NTN4: variants seen among roughly 807,000 people sequenced by gnomAD.
NTN4 encodes the protein netrin 4, also known as netrin-4.
A neutral mutation model predicts 73.6 loss-of-function variants in NTN4; 32 were observed. The ratio of observed to expected loss-of-function variants is 0.44; its 90% confidence interval spans 0.33 to 0.58. The LOEUF is 0.58. Ranked by LOEUF, NTN4 falls within the 20% of genes least tolerant of loss-of-function variation. The pLI is 0.04. For missense variants in NTN4, 654 were observed against 798.3 expected, an observed-to-expected ratio of 0.82 and a Z score of 2.18; for synonymous variants, 258 against 287.5, an observed-to-expected ratio of 0.90 and a Z score of 1.04.
At chr12:95,673,050 G>C in intron 7 of NTN4, 1 of 1,487,708 alleles carries the variant, frequency 6.7e-7, no homozygotes, top group Middle Eastern at 2.5e-4. Context: ...TGGCTGCCCA[G>C]GGCAAGGCCA....
At chr12:95,752,660 C>T (rs558342007) in intron 2 of NTN4, among the ~76,000 whole-genome samples, 49 of 152,266 alleles carry the variant, frequency 3.2e-4, no homozygotes, top group Non-Finnish European at 6.5e-4. Context: ...CTCTCAAACC[C>T]CAGCACCTTC....
intron 3 of NTN4, among the ~76,000 whole-genome samples, chr12:95,732,834 AACATAAAT>A (rs1318564733): frequency 1.3e-5 from 2 of 152,244 alleles, no homozygotes; most frequent in Non-Finnish European, 2.9e-5. Flanking sequence ...GATATATGAA[AACATAAAT>A]ACATGAATGA....
At chr12:95,667,369 T>A (rs2078189711) in intron 8 of NTN4, among the ~76,000 whole-genome samples, 1 of 151,690 alleles carries the variant, frequency 6.6e-6, no homozygotes, top group Admixed American at 6.6e-5. Flanking sequence ...ATATATATAT[T>A]TTTTCACAGG....
In NTN4 at chr12:95,660,524, G is replaced by A. The variant is rs2078129480; in HGVS notation, c.1751-1302C>T. On this transcript the variant is annotated intron_variant, in intron 9 of 9. Transcript: ENST00000343702. ...ACCTTGTATTCAAAATTCGTTTCAA[G>A]CTTTAGATAACAAATTTTAGCTAAT... is the stretch of plus-strand genomic sequence containing the variant. Among the ~76,000 whole-genome samples the A allele has an allele frequency of 2.0e-5, 3 of 151,736 alleles. No individual in the cohort carries two copies. The South Asian group carries it at 6.2e-4, about 31-fold the overall frequency.
chr12:95,694,319 G>GCGCGGCCACTCCCTCCGC (rs879366097), intron 5 of NTN4, among the ~76,000 whole-genome samples: 11 of 151,776 alleles, frequency 7.2e-5, no homozygotes, highest in African/African-American at 2.7e-4. Flanking sequence ...CCAAGACCCC[G>GCGCGGCCACTCCCTCCGC]GCGGCCACTC....
intron 3 of NTN4, among the ~76,000 whole-genome samples, chr12:95,724,160 G>A (rs752102011): frequency 3.2e-4 from 48 of 152,042 alleles, no homozygotes; most frequent in Admixed American, 6.5e-4. Flanking sequence ...GTATCATCAC[G>A]CACTTTATCT....
chr12:95,660,007 T>TTTTTG (rs1158762426), intron 9 of NTN4, among the ~76,000 whole-genome samples: 7 of 151,824 alleles, frequency 4.6e-5, no homozygotes, highest in Non-Finnish European at 1.0e-4. Context: ...TTTTTTTTTG[T>TTTTTG]TTTTGTTTTG....
chr12:95,674,753 A>C (rs558844241), intron 7 of NTN4, among the ~76,000 whole-genome samples: 2 of 152,358 alleles, frequency 1.3e-5, no homozygotes, highest in Admixed American at 1.3e-4. Flanking sequence ...CAGAAGCACC[A>C]TTCTATACCC....
chr12:95,695,612 G>A (rs1001876778), intron 5 of NTN4, among the ~76,000 whole-genome samples: 4 of 152,050 alleles, frequency 2.6e-5, no homozygotes, highest in East Asian at 1.9e-4. Flanking sequence ...TGATCTGCCC[G>A]CCTCGGCCTC....
chr12:95,700,502 G>A (rs1047450959), intron 5 of NTN4, among the ~76,000 whole-genome samples: 16 of 152,132 alleles, frequency 1.1e-4, no homozygotes, highest in African/African-American at 3.9e-4. Flanking sequence ...CCCACAGCCA[G>A]GTTTGGGAAC....
upstream of NTN4, chr12:95,790,841 C>G (rs1203044933): frequency 6.6e-6 from 1 of 150,896 alleles, no homozygotes; most frequent in African/African-American, 2.4e-5. The surrounding 1 kb of genome is among the most constrained non-coding windows in gnomAD (Gnocchi z 6.5). Context: ...CCCCTCGCAC[C>G]TCCACCCCTT....
At chr12:95,670,774 C>A (rs998292324) in intron 7 of NTN4, among the ~76,000 whole-genome samples, 5 of 149,494 alleles carry the variant, frequency 3.3e-5, no homozygotes, top group African/African-American at 1.2e-4. Flanking sequence ...GGAAGAGTCA[C>A]ATGTGTCTGG....
At chr12:95,762,349 T>C (rs1397296050) in intron 2 of NTN4, among the ~76,000 whole-genome samples, 2 of 152,216 alleles carry the variant, frequency 1.3e-5, no homozygotes, top group African/African-American at 4.8e-5. Flanking sequence ...GCTGTTACTC[T>C]AGTACTAGGC....
At chr12:95,762,829 T>C (rs1486625456) in intron 2 of NTN4, among the ~76,000 whole-genome samples, 3 of 152,182 alleles carry the variant, frequency 2.0e-5, no homozygotes, top group African/African-American at 4.8e-5. Flanking sequence ...CAATAGAAAT[T>C]CTGGGCTCGA....
At chr12:95,697,490 G>C (rs952965870) in intron 5 of NTN4, among the ~76,000 whole-genome samples, 2 of 151,866 alleles carry the variant, frequency 1.3e-5, no homozygotes, top group Admixed American at 6.6e-5. Flanking sequence ...GATGGTTTTT[G>C]TTGGCCTATC....
At chr12:95,672,339 G>A in intron 7 of NTN4, 1 of 791,780 alleles carries the variant, frequency 1.3e-6, no homozygotes, top group Non-Finnish European at 2.3e-6. Flanking sequence ...ATCCAGCATG[G>A]AGAGTGCATG....
intron 2 of NTN4, among the ~76,000 whole-genome samples, chr12:95,751,794 G>A (rs1183461510): frequency 8.0e-6 from 1 of 125,346 alleles, no homozygotes; most frequent in Admixed American, 7.8e-5. Context: ...TCAAGGGCCT[G>A]TTTCCCTTGC....
chr12:95,778,119 CA>C (rs1256323914), intron 2 of NTN4, among the ~76,000 whole-genome samples: 1 of 151,960 alleles, frequency 6.6e-6, no homozygotes, highest in Non-Finnish European at 1.5e-5. Flanking sequence ...CCAACGAGAA[CA>C]AAGACACAAC....
chr12:95,726,918 G>A (rs2078699147), intron 3 of NTN4, among the ~76,000 whole-genome samples: 1 of 152,018 alleles, frequency 6.6e-6, no homozygotes, highest in African/African-American at 2.4e-5. Flanking sequence ...TGCAGTGAGT[G>A]GAGATTGCGC....
Sources: allele counts gnomAD v4.1 joint callset (sites outside exome capture counted in the v4.1 genomes callset), GRCh38; gene constraint gnomAD v4.1.1; non-coding constraint Gnocchi (gnomAD v3.1); transcripts MANE v1.5; gene names NCBI Gene and HGNC (gene_info 2026-07-23, HGNC 2026-07-21).